Variants in MGAT4B observed in about 807,000 individuals in gnomAD.
The protein encoded by MGAT4B is alpha-1,3-mannosyl-glycoprotein 4-beta-N-acetylglucosaminyltransferase B.
A neutral mutation model predicts 73.9 loss-of-function variants in MGAT4B; 38 were observed. The observed-to-expected ratio is 0.51, with a 90% CI of 0.40 to 0.67. The LOEUF is 0.67. MGAT4B is among the 30% of genes least tolerant of loss of function. The probability of loss-of-function intolerance (pLI) is 0.00; values close to 1 mark genes in which losing one functional copy is unlikely to be tolerated. For missense variants in MGAT4B, 686 were observed against 735.2 expected, an observed-to-expected ratio of 0.93 and a Z score of 0.77; for synonymous variants, 373 against 313.5, an observed-to-expected ratio of 1.19 and a Z score of -2.01.
In MGAT4B at chr5:179,799,605, C is replaced by G; in HGVS notation, c.942G>C (p.Leu314=). The G allele has an allele frequency of 6.2e-7, 1 of 1,613,876 alleles. No individual in the cohort carries two copies. The highest frequency in any genetic ancestry group is 8.5e-7 in the Non-Finnish European group (1 of 1,180,034). Residue 314 remains leucine, a synonymous_variant, in exon 9 of 15, where the codon CTG becomes CTC. Transcript: ENST00000292591. ...GKMFKSLDLS[L]IVEFILMFYR... ...AGAACATGAGAATGAACTCTACAAT[C>G]AGGCTCAGGTCCAGCGACTTGAACA...
rs1305987042 is a variant in MGAT4B, at chr5:179,801,046, C to T, written c.559-93G>A. On this transcript the variant is annotated intron_variant, in intron 4 of 14. Coordinates refer to ENST00000292591, the MANE Select transcript of MGAT4B (RefSeq NM_014275.5). This position sits in a 1 kb window ranked among gnomAD's most constrained non-coding sequence, Gnocchi z 4.8. ...AAGGGGCACAGGCTTCAGATGCCCCCCACGTGGAGGGAGTGAGCCTGCTGT... is the reference window on the plus strand; with the variant it reads ...AAGGGGCACAGGCTTCAGATGCCCCTCACGTGGAGGGAGTGAGCCTGCTGT... 6.8e-6 allele frequency: 10 copies of T among 1,469,232 alleles called. No individual in the cohort carries two copies. Among genetic ancestry groups the T allele is most frequent in the Non-Finnish European group, 9.5e-6 (10 of 1,057,620 alleles). The allele number at this position is 1,469,232 out of a possible 1,614,324, so 91.0% of individuals were successfully genotyped here.
intron 1 of MGAT4B, chr5:179,804,913 G>A (rs1269857891): frequency 6.6e-6 from 1 of 152,184 alleles, no homozygotes; most frequent in African/African-American, 2.4e-5. Flanking sequence ...CCTCGACAAG[G>A]GAGGCCTATG....
chr5:179,800,973 C>A lies in MGAT4B; in HGVS notation c.559-20G>T, dbSNP rs1266073880. On this transcript the variant is annotated intron_variant, in intron 4 of 14. Transcript: ENST00000292591. Reference sequence around the variant, plus strand: ...GTCAGTCTGTGGGGAGACCAAGCACCCTCCCTTAGCCCTGCTGCTGCCCCA... The same window carrying A: ...GTCAGTCTGTGGGGAGACCAAGCACACTCCCTTAGCCCTGCTGCTGCCCCA... 1 of 1,613,690 alleles carries A rather than the reference C, an allele frequency of 6.2e-7. No homozygotes were observed. Among genetic ancestry groups the A allele is most frequent in the Non-Finnish European group, 8.5e-7 (1 of 1,179,846 alleles).
Position 179,806,370 on chromosome 5 carries a change from G to T in MGAT4B, c.97+117C>A. The T allele has an allele frequency of 2.3e-6, 1 of 439,714 alleles. No homozygotes were observed. The highest frequency in any genetic ancestry group is 3.2e-6 in the Non-Finnish European group (1 of 317,314). 27.2% of individuals were successfully genotyped at this position (439,714 alleles called of 1,614,324 possible). On this transcript the variant is annotated intron_variant, in intron 1 of 14. Coordinates refer to ENST00000292591, the MANE Select transcript of MGAT4B (RefSeq NM_014275.5). This position sits in a 1 kb window ranked among gnomAD's most constrained non-coding sequence, Gnocchi z 4.6. ...GGGAGGGGCGTCCTCGCGCCGCCCG[G>T]GCGGGGAAGGGGCGCCTGCGTCGGC... is the stretch of plus-strand genomic sequence containing the variant.
At chr5:179,798,316 C>T in intron 13 of MGAT4B, 31 bp downstream of exon 13, 2 of 1,612,904 alleles carry the variant, frequency 1.2e-6, no homozygotes, top group Non-Finnish European at 8.5e-7. Flanking sequence ...CCCTGAACCC[C>T]AGCCCACGCT....
In MGAT4B at chr5:179,800,165, C is replaced by T. The variant is rs41285563; in HGVS notation, c.795+19G>A. The stretch of plus-strand genomic sequence containing the variant: ...GGCGGCGCAGGGCAGGGCAGGGCAA[C>T]GCAGGGCTTGGGGCTGACCTGCACG... On this transcript the variant is annotated intron_variant, in intron 7 of 14. Coordinates refer to ENST00000292591, the MANE Select transcript of MGAT4B (RefSeq NM_014275.5). The T allele has an allele frequency of 7.3e-5, 118 of 1,609,184 alleles. No individual in the cohort carries two copies. The East Asian group carries it at 1.1e-3, about 15-fold the overall frequency.
intron 11 of MGAT4B, 89 bp downstream of exon 11, chr5:179,798,836 TGAA>T: frequency 6.8e-7 from 1 of 1,463,834 alleles, no homozygotes; most frequent in Non-Finnish European, 9.4e-7. Flanking sequence ...ATGCGGAAAC[TGAA>T]GAACGTGAGG....
chr5:179,801,556 C>G lies in MGAT4B; in HGVS notation c.422G>C (p.Gly141Ala). The G allele has an allele frequency of 6.2e-7, 1 of 1,608,638 alleles. No homozygotes were observed. The highest frequency in any genetic ancestry group is 2.2e-5 in the East Asian group (1 of 44,684). The change falls in exon 3 of 15, where the codon GGA (glycine) becomes GCA (alanine). Residue 141 changes from glycine (G) to alanine (A), a missense_variant and splice_region_variant. This residue lies in a region of MGAT4B where 237 missense variants were observed against 198.5 expected (regional missense o/e 1.19). Transcript: ENST00000292591. This position sits in a 1 kb window ranked among gnomAD's most constrained non-coding sequence, Gnocchi z 4.8. ...CTCCTCCCTGTCTGCGCCCATACCT[C>G]CGGTGCGGCCCTGGCCCACGCGCAC... is the stretch of plus-strand genomic sequence containing the variant. ...PAVRVGQGRT[G>A]VSVVMGIPSV...
intron 8 of MGAT4B, 123 bp downstream of exon 8, chr5:179,799,825 GGCTGTA>G: frequency 8.1e-7 from 1 of 1,233,460 alleles, no homozygotes; most frequent in East Asian, 2.3e-5. Context: ...GGCCAGGTGG[GGCTGTA>G]GCACGCACAC....
Position 179,799,586 on chromosome 5 carries a change from T to C in MGAT4B, c.961A>G (p.Met321Val). The change falls in exon 9 of 15, where the codon ATG (methionine) becomes GTG (valine). Residue 321 changes from methionine to valine, a missense_variant. Coordinates refer to ENST00000292591, the MANE Select transcript of MGAT4B (RefSeq NM_014275.5). ...DLSLIVEFIL[M>V]FYRDKPIDWL... is the part of the protein sequence containing the mutation. The stretch of plus-strand genomic sequence containing the variant: ...TCGATGGGCTTGTCCCGGTAGAACA[T>C]GAGAATGAACTCTACAATCAGGCTC... 1.2e-6 allele frequency: 2 copies of C among 1,613,914 alleles called. No individual in the cohort carries two copies. Among genetic ancestry groups the C allele is most frequent in the Non-Finnish European group, 1.7e-6 (2 of 1,180,014 alleles).
In MGAT4B at chr5:179,799,130, G is replaced by A. The variant is rs1419645405; in HGVS notation, c.1150-9C>T. ...TTTCCAAAGTCTTTGTCCTGCAGCG[G>A]AGGAGGGACAGCAGTGATGGCGTGG... On this transcript the variant is annotated splice_polypyrimidine_tract_variant and intron_variant, in intron 10 of 14. Coordinates refer to ENST00000292591, the MANE Select transcript of MGAT4B (RefSeq NM_014275.5). 2.5e-6 allele frequency: 4 copies of A among 1,613,996 alleles called. No individual in the cohort carries two copies. Among genetic ancestry groups the A allele is most frequent in the East Asian group, 4.5e-5 (2 of 44,894 alleles).
At chr5:179,802,040 G>A (rs771905512) in intron 1 of MGAT4B, 71 bp from the exon 2 acceptor site, 1 of 1,611,374 alleles carries the variant, frequency 6.2e-7, no homozygotes, top group East Asian at 2.2e-5. Context: ...CAGTGTGCCA[G>A]CGCACACATC....
chr5:179,806,359 C>A lies in MGAT4B; in HGVS notation c.97+128G>T. The A allele has an allele frequency of 2.7e-6, 1 of 364,706 alleles. No homozygotes were observed. The highest frequency in any genetic ancestry group is 6.0e-5 in the Admixed American group (1 of 16,736). 22.6% of individuals were successfully genotyped at this position (364,706 alleles called of 1,614,324 possible). ...TGGGGGAGGGTGGGAGGGGCGTCCTCGCGCCGCCCGGGCGGGGAAGGGGCG... is the reference window on the plus strand; with the variant it reads ...TGGGGGAGGGTGGGAGGGGCGTCCTAGCGCCGCCCGGGCGGGGAAGGGGCG... On this transcript the variant is annotated intron_variant, in intron 1 of 14. Transcript: ENST00000292591. This position sits in a 1 kb window ranked among gnomAD's most constrained non-coding sequence, Gnocchi z 4.6.
Position 179,801,319 on chromosome 5 carries a change from T to C in MGAT4B, c.558+15A>G. The C allele has an allele frequency of 6.2e-7, 1 of 1,602,528 alleles. No homozygotes were observed. The stretch of plus-strand genomic sequence containing the variant: ...CCTCTGAATGTCCCCCAACCCCGCG[T>C]CCCGGCTCACTCGCCTCGGCGATCA... On this transcript the variant is annotated intron_variant, in intron 4 of 14. Transcript: ENST00000292591. This position sits in a 1 kb window ranked among gnomAD's most constrained non-coding sequence, Gnocchi z 4.8.
At position 179,802,353 on chromosome 5, in the gene MGAT4B, C is replaced by T. The variant is rs894829045; in HGVS notation, c.98-384G>A. ...GCCCACTCTTGCTTTTTGCAGCACA[C>T]GCTCCCTCCAGCGGGTGGGCTACCC... On this transcript the variant is annotated intron_variant, in intron 1 of 14. Transcript: ENST00000292591. The T allele has an allele frequency of 1.0e-4, 132 of 1,313,138 alleles. No individual in the cohort carries two copies. The Middle Eastern group carries it at 1.2e-3, about 12-fold the overall frequency. 81.3% of individuals were successfully genotyped at this position (1,313,138 alleles called of 1,614,324 possible).
In MGAT4B at chr5:179,801,507, G is replaced by A. The variant is rs1175598384; in HGVS notation, c.425-40C>T. The A allele has an allele frequency of 4.4e-6, 7 of 1,602,900 alleles. No homozygotes were observed. The highest frequency in any genetic ancestry group is 5.1e-6 in the Non-Finnish European group (6 of 1,172,924). On this transcript the variant is annotated intron_variant, in intron 3 of 14. Transcript: ENST00000292591. This position sits in a 1 kb window ranked among gnomAD's most constrained non-coding sequence, Gnocchi z 4.8. ...GGCCCGACGCTGGAAAGGGTGCGGG[G>A]GCCACCCGTCCCCCCACCCCGTGCT... is the stretch of plus-strand genomic sequence containing the variant.
rs550866271 is a variant in MGAT4B at position 179,801,926 on chromosome 5, G to A, written c.141C>T (p.Arg47=). ...CCTGCTCAGCTGCGTGCAACCGATC[G>A]CGCAGCGCCAGGAACTCCCGCTGGT... The part of the protein sequence containing the change: ...DVYQREFLAL[R]DRLHAAEQES... Residue 47 remains arginine, a synonymous_variant, in exon 2 of 15, where the codon CGC becomes CGT. Transcript: ENST00000292591. This position sits in a 1 kb window ranked among gnomAD's most constrained non-coding sequence, Gnocchi z 4.8. 58 of 1,613,288 alleles carry A rather than the reference G, an allele frequency of 3.6e-5. No individual in the cohort carries two copies. In the East Asian group the frequency reaches 9.8e-4, roughly 27 times the overall value.
intron 1 of MGAT4B, chr5:179,802,409 T>C (rs1756985506): frequency 1.7e-6 from 2 of 1,158,268 alleles, no homozygotes; most frequent in South Asian, 3.1e-5. Flanking sequence ...TCACTGTCCT[T>C]GTAGCGGTCG....
intron 7 of MGAT4B, 53 bp from the exon 8 acceptor site, chr5:179,800,121 C>T (rs972616253): frequency 6.2e-7 from 1 of 1,609,504 alleles, no homozygotes; most frequent in Non-Finnish European, 8.5e-7. Flanking sequence ...CCAGATGGAC[C>T]AGACCCATCG....
Sources: gnomAD v4.1 joint callset for allele counts on GRCh38, gnomAD v4.1.1 for gene constraint, gnomAD v4.1.1 regional missense constraint, Gnocchi (gnomAD v3.1) non-coding constraint, MANE v1.5 for transcripts, NCBI Gene and HGNC (gene_info 2026-07-23, HGNC 2026-07-21) for gene names.